KAZN: variants seen among roughly 807,000 people sequenced by gnomAD.
KAZN encodes kazrin, periplakin interacting protein.
In KAZN, 40 loss-of-function variants were observed where a neutral mutation model predicts 87.4. The observed-to-expected ratio is 0.46, with a 90% CI of 0.36 to 0.60. The LOEUF (loss-of-function observed/expected upper bound fraction) is 0.60. Ranked by LOEUF, KAZN falls within the 20% of genes least tolerant of loss-of-function variation. The probability of loss-of-function intolerance (pLI) is 0.00; values close to 1 mark genes in which losing one functional copy is unlikely to be tolerated. For synonymous variants in KAZN, 466 were observed against 458.3 expected (o/e 1.02, Z -0.22); for missense variants, 898 against 1,073.9 (o/e 0.84, Z 2.29).
chr1:15,071,220 A>AAAT lies in KAZN; in HGVS notation c.1222+5469_1222+5471dup, dbSNP rs770803691. Among the ~76,000 whole-genome samples, 77 of 152,262 alleles carry AAAT rather than the reference A, an allele frequency of 5.1e-4. 1 individual carries two copies. The highest frequency in any genetic ancestry group is 9.0e-4 in the Non-Finnish European group (61 of 68,020). ...ATTGAGGGTATAAGTCTGGGATGGC[A>AAAT]AATAGGATATGGATATTTCTCTTTT... On this transcript the variant is annotated intron_variant, in intron 8 of 14. Coordinates refer to ENST00000376030, the MANE Select transcript of KAZN (RefSeq NM_201628.3).
In KAZN at chr1:14,845,559, GTGGATGGATGGATGGATGGA is replaced by G. The variant is rs112956559; in HGVS notation, c.227-115104_227-115085del. 1.1e-3 allele frequency among the ~76,000 whole-genome samples: 153 copies of G among 145,564 alleles called. 4 individuals are homozygous for G. Among genetic ancestry groups the G allele is most frequent in the African/African-American group, 3.8e-3 (148 of 38,632 alleles). On this transcript the variant is annotated intron_variant, in intron 1 of 14. Transcript: ENST00000376030. The stretch of plus-strand genomic sequence containing the variant: ...GGTGGATGGATGCATAGATGGGTGG[GTGGATGGATGGATGGATGGA>G]TGGATGGATGGATGGATGGAGTAAA...
chr1:13,931,447 G>GGTGTGT (rs61432989), intron 1 of KAZN, among the ~76,000 whole-genome samples: 7 of 149,844 alleles, frequency 4.7e-5, no homozygotes, highest in South Asian at 4.2e-4. Context: ...CAGCCAGAGG[G>GGTGTGT]GTGTGTGTGT....
At chr1:14,853,803 A>G (rs556880976) in intron 1 of KAZN, among the ~76,000 whole-genome samples, 1 of 152,286 alleles carries the variant, frequency 6.6e-6, no homozygotes, top group East Asian at 1.9e-4. Flanking sequence ...TGGTGCTAGT[A>G]CAGAAGTTCT....
chr1:13,974,817 A>G (rs1638246221), intron 1 of KAZN, among the ~76,000 whole-genome samples: 1 of 152,174 alleles, frequency 6.6e-6, no homozygotes, highest in South Asian at 2.1e-4. Flanking sequence ...TTGTAATGGC[A>G]GCCCCAGAAA....
At chr1:14,173,058 A>C (rs1645990014) in intron 1 of KAZN, among the ~76,000 whole-genome samples, 1 of 152,166 alleles carries the variant, frequency 6.6e-6, no homozygotes, top group Non-Finnish European at 1.5e-5. Context: ...TCTGCCACTT[A>C]CTGTGGGGAC....
chr1:14,037,185 T>C (rs1641597076), intron 1 of KAZN, among the ~76,000 whole-genome samples: 1 of 152,374 alleles, frequency 6.6e-6, no homozygotes, highest in Admixed American at 6.5e-5. Context: ...CCTCTCTCCA[T>C]GCCAGTAAAT....
intron 2 of KAZN, among the ~76,000 whole-genome samples, chr1:14,417,736 CCT>C (rs945260743): frequency 3.2e-4 from 49 of 152,080 alleles, no homozygotes; most frequent in Admixed American, 1.6e-3. Flanking sequence ...GTGGCTCACC[CCT>C]GTTATCCCAG....
At chr1:14,853,932 G>A (rs960137910) in intron 1 of KAZN, among the ~76,000 whole-genome samples, 1 of 152,232 alleles carries the variant, frequency 6.6e-6, no homozygotes, top group Non-Finnish European at 1.5e-5. Context: ...TCAGCATGAA[G>A]TGAGAGGAGA....
At chr1:14,692,396 C>T (rs555831356) in intron 1 of KAZN, 10 of 290,634 alleles carry the variant, frequency 3.4e-5, no homozygotes, top group East Asian at 3.4e-4. Context: ...TTTCTTTGAC[C>T]GACCTGCAAA....
At chr1:14,736,422 C>T (rs1210363057) in intron 1 of KAZN, among the ~76,000 whole-genome samples, 17 of 151,374 alleles carry the variant, frequency 1.1e-4, no homozygotes, top group Admixed American at 1.1e-3. Flanking sequence ...CCTCAGCCTC[C>T]CAAGTAGCTA....
At chr1:14,627,953 A>G (rs1305184349) in intron 1 of KAZN, among the ~76,000 whole-genome samples, 1 of 152,098 alleles carries the variant, frequency 6.6e-6, no homozygotes, top group Non-Finnish European at 1.5e-5. Context: ...ACGGCTGATG[A>G]CAGTGTGGGC....
intron 1 of KAZN, among the ~76,000 whole-genome samples, chr1:14,799,986 A>G (rs909560352): frequency 1.3e-5 from 2 of 152,180 alleles, no homozygotes; most frequent in Admixed American, 6.5e-5. Context: ...CTTCTCCTGA[A>G]TTTTGGAGAT....
At chr1:13,967,764 T>A (rs1641996235) in intron 1 of KAZN, among the ~76,000 whole-genome samples, 1 of 152,162 alleles carries the variant, frequency 6.6e-6, no homozygotes, top group African/African-American at 2.4e-5. Flanking sequence ...CTAGTTCAGA[T>A]CCCAGTTCTC....
chr1:15,054,547 G>A (rs1480438896), intron 4 of KAZN, among the ~76,000 whole-genome samples: 1 of 151,910 alleles, frequency 6.6e-6, no homozygotes, highest in Admixed American at 6.5e-5. Flanking sequence ...AGCTACTCAG[G>A]AGACTGAGGC....
chr1:14,738,994 G>A (rs1208828076), intron 1 of KAZN, among the ~76,000 whole-genome samples: 1 of 152,112 alleles, frequency 6.6e-6, no homozygotes, highest in Non-Finnish European at 1.5e-5. Flanking sequence ...GCAACCTAGT[G>A]AAACCTCATC....
chr1:14,771,167 CCGAGGAAGAAAGAATTTTTTT>C (rs1274831523), intron 1 of KAZN, among the ~76,000 whole-genome samples: 2 of 151,946 alleles, frequency 1.3e-5, no homozygotes, highest in African/African-American at 4.8e-5. Context: ...AAGGAGGGCC[CCGAGGAAGAAAGAATTTTTTT>C]AAATGCCTAA....
intron 2 of KAZN, among the ~76,000 whole-genome samples, chr1:14,468,256 T>C (rs2148364012): frequency 6.6e-6 from 1 of 152,324 alleles, no homozygotes; most frequent in East Asian, 1.9e-4. Flanking sequence ...TAAAAATCTT[T>C]TTAGCTCTTT....
chr1:14,382,945 A>G (rs1168878397), intron 2 of KAZN, among the ~76,000 whole-genome samples: 1 of 151,416 alleles, frequency 6.6e-6, no homozygotes, highest in Non-Finnish European at 1.5e-5. Context: ...ACGGTGTAAA[A>G]GTGTTCCTAT....
rs547347629 is a variant in KAZN, at chr1:13,955,260, T to C, written c.91+61504T>C. Among the ~76,000 whole-genome samples the C allele has an allele frequency of 2.2e-4, 34 of 152,318 alleles. No homozygotes were observed. The South Asian group carries it at 7.0e-3, about 32-fold the overall frequency. ...TATATAAGCTATTTCTTTATTAATA[T>C]GGTCCGTCTGCTCATAACCGTTATA... On this transcript the variant is annotated intron_variant, in intron 1 of 16. Coordinates refer to the KAZN transcript ENST00000636203.
Sources: allele counts gnomAD v4.1 joint callset (sites outside exome capture counted in the v4.1 genomes callset), GRCh38; gene constraint gnomAD v4.1.1; transcripts MANE v1.5; gene names NCBI Gene and HGNC (gene_info 2026-07-23, HGNC 2026-07-21).